Variants in ARHGEF4 observed in about 807,000 individuals in gnomAD.
ARHGEF4 encodes the protein Rho guanine nucleotide exchange factor 4, also known as APC-stimulated guanine nucleotide exchange factor 1.
Under a neutral mutation model 162.0 loss-of-function variants are expected in ARHGEF4, and 119 were observed. The ratio of observed to expected loss-of-function variants is 0.73; its 90% CI spans 0.63 to 0.86. The LOEUF (loss-of-function observed/expected upper bound fraction) is 0.86. Among genes scored for constraint, ARHGEF4 ranks in the 40% least tolerant of loss-of-function variants. The probability of loss-of-function intolerance (pLI) is 0.00; values close to 1 mark genes in which losing one functional copy is unlikely to be tolerated. For missense variants in ARHGEF4, 2,488 were observed against 2,456.0 expected (o/e 1.01, Z -0.28); for synonymous variants, 1,014 against 979.9 (o/e 1.03, Z -0.65).
chr2:130,853,631 C>T (rs991303907), intron 1 of ARHGEF4, among the ~76,000 whole-genome samples: 2 of 152,174 alleles, frequency 1.3e-5, no homozygotes, highest in Non-Finnish European at 2.9e-5. Context: ...CTGTGCACAT[C>T]GGTGTCCAGG....
At chr2:130,958,376 T>C (rs978375349) in intron 4 of ARHGEF4, among the ~76,000 whole-genome samples, 1 of 152,034 alleles carries the variant, frequency 6.6e-6, no homozygotes, top group Non-Finnish European at 1.5e-5. Context: ...AATGGATGTT[T>C]CTTTTTTTTT....
intron 2 of ARHGEF4, among the ~76,000 whole-genome samples, chr2:130,918,651 G>A (rs1681679776): frequency 6.6e-6 from 1 of 152,196 alleles, no homozygotes; most frequent in South Asian, 2.1e-4. Context: ...GCGCCTCCAG[G>A]CCAGGTGGGC....
chr2:130,877,279 TTTA>T (rs1473084617), intron 1 of ARHGEF4, among the ~76,000 whole-genome samples: 1 of 152,198 alleles, frequency 6.6e-6, no homozygotes, highest in African/African-American at 2.4e-5. Context: ...TATTTTAAGA[TTTA>T]TTATTTTAAT....
intron 4 of ARHGEF4, among the ~76,000 whole-genome samples, chr2:130,986,950 C>T (rs531106760): frequency 4.6e-5 from 7 of 152,350 alleles, no homozygotes; most frequent in South Asian, 4.1e-4. Flanking sequence ...ACCACAATCT[C>T]GCCCTGAAAA....
At chr2:130,900,718 G>C (rs1329372954) in intron 1 of ARHGEF4, among the ~76,000 whole-genome samples, 1 of 152,102 alleles carries the variant, frequency 6.6e-6, no homozygotes, top group East Asian at 1.9e-4. Context: ...CATTCAGGTT[G>C]TGATTTTGAT....
chr2:130,916,465 C>T lies in ARHGEF4; in HGVS notation c.2519C>T (p.Ala840Val), dbSNP rs1478065365. The T allele has an allele frequency of 1.3e-6, 2 of 1,543,184 alleles. No individual in the cohort carries two copies. Among genetic ancestry groups the T allele is most frequent in the Admixed American group, 2.0e-5 (1 of 50,856 alleles). Residue 840 changes from alanine (A) to valine (V), a missense_variant, in exon 2 of 14, where the codon GCG becomes GTG. Coordinates refer to ENST00000409359, the MANE Select transcript of ARHGEF4 (RefSeq NM_001367493.1). The part of the protein sequence containing the change: ...EGLPRENPPA[A>V]AGRDAPPLHH... The stretch of plus-strand genomic sequence containing the variant: ...CTCCCCAGGGAGAATCCGCCCGCTG[C>T]GGCCGGTCGGGACGCACCGCCTCTG...
intron 4 of ARHGEF4, among the ~76,000 whole-genome samples, chr2:130,968,544 C>G (rs1249300033): frequency 6.6e-6 from 1 of 152,184 alleles, no homozygotes; most frequent in East Asian, 1.9e-4. Flanking sequence ...TTTCAGTCTG[C>G]AGCAATTGCA....
intron 1 of ARHGEF4, among the ~76,000 whole-genome samples, chr2:130,890,415 A>G (rs748244686): frequency 6.6e-6 from 1 of 152,178 alleles, no homozygotes; most frequent in Non-Finnish European, 1.5e-5. Context: ...TACAAAAATT[A>G]ACCAGGTGTG....
intron 1 of ARHGEF4, among the ~76,000 whole-genome samples, chr2:130,891,416 G>A (rs1331240630): frequency 6.6e-6 from 1 of 152,160 alleles, no homozygotes; most frequent in East Asian, 1.9e-4. Flanking sequence ...TCGGTGAAGG[G>A]CCAGATAATA....
intron 3 of ARHGEF4, among the ~76,000 whole-genome samples, chr2:130,940,854 A>G (rs2105133411): frequency 6.6e-6 from 1 of 151,390 alleles, no homozygotes; most frequent in Non-Finnish European, 1.5e-5. Flanking sequence ...AAAAAGAAAA[A>G]AAAAAAGAAA....
Position 130,836,992 on chromosome 2 carries a change from G to T in ARHGEF4, c.39G>T (p.Lys13Asn). Residue 13 changes from lysine to asparagine, a missense_variant and splice_region_variant, in exon 1 of 14, where the codon AAG (lysine) becomes AAT (asparagine). Transcript: ENST00000409359. ...SVVHFLRSFF[K>N]TPEPGAHLPG... ...TGCACTTCCTCCGGAGCTTCTTCAA[G>T]GTGAGAGCCGGCGTCCGGGACTTGC... is the stretch of plus-strand genomic sequence containing the variant. 1 of 1,227,094 alleles carries T rather than the reference G, an allele frequency of 8.1e-7. No individual in the cohort carries two copies. The highest frequency in any genetic ancestry group is 1.0e-6 in the Non-Finnish European group (1 of 984,950). 76.0% of individuals were successfully genotyped at this position (1,227,094 alleles called of 1,614,324 possible). A position where few individuals can be genotyped will look rare whatever the true frequency, so the allele number is the denominator to read the frequency against.
intron 4 of ARHGEF4, chr2:130,964,110 C>A: frequency 1.1e-6 from 1 of 934,348 alleles, no homozygotes. Flanking sequence ...GCACTAGCAG[C>A]AGCAGCAGCG....
rs936544126 is a variant in ARHGEF4 at position 130,873,901 on chromosome 2, C to T, written c.39+36909C>T. On this transcript the variant is annotated intron_variant, in intron 1 of 13. Transcript: ENST00000409359. ...TTTGGGGTTCCTTGGTGCCCCCTGC[C>T]GGATAGATTGCATCTAACGTTTTCC... 2.6e-4 allele frequency among the ~76,000 whole-genome samples: 40 copies of T among 152,036 alleles called. 1 individual carries two copies. The highest frequency in any genetic ancestry group is 1.9e-4 in the East Asian group (1 of 5,160).
chr2:130,960,329 G>A lies in ARHGEF4; in HGVS notation c.3985+13694G>A, dbSNP rs150445322. On this transcript the variant is annotated intron_variant, in intron 4 of 13. Coordinates refer to ENST00000409359, the MANE Select transcript of ARHGEF4 (RefSeq NM_001367493.1). ...TAATATTTTATACTATATTTTTACT[G>A]TGCCTTTCCTATGTTTTGATTTGTT... is the stretch of plus-strand genomic sequence containing the variant. Among the ~76,000 whole-genome samples, 879 of 152,108 alleles carry A rather than the reference G, an allele frequency of 5.8e-3. 15 individuals carry two copies. The highest frequency in any genetic ancestry group is 5.3e-3 in the Non-Finnish European group (360 of 68,006).
chr2:130,872,042 C>A (rs983781502), intron 1 of ARHGEF4, among the ~76,000 whole-genome samples: 1 of 152,242 alleles, frequency 6.6e-6, no homozygotes, highest in African/African-American at 2.4e-5. Context: ...GCAACAGGGC[C>A]TCGCAGCACC....
chr2:130,945,271 T>C (rs1683536287), intron 3 of ARHGEF4, among the ~76,000 whole-genome samples: 1 of 152,060 alleles, frequency 6.6e-6, no homozygotes, highest in South Asian at 2.1e-4. Flanking sequence ...GGGGCTTTCA[T>C]TTTCCCTCTG....
At chr2:130,997,547 A>G (rs1158448464) in intron 4 of ARHGEF4, among the ~76,000 whole-genome samples, 3 of 152,112 alleles carry the variant, frequency 2.0e-5, no homozygotes, top group African/African-American at 4.8e-5. Flanking sequence ...CTTGAAGCAA[A>G]CCCATCTTAA....
At chr2:130,864,660 G>A (rs1682139412) in intron 1 of ARHGEF4, among the ~76,000 whole-genome samples, 2 of 152,106 alleles carry the variant, frequency 1.3e-5, no homozygotes, top group South Asian at 4.1e-4. Context: ...GGAGGCGGAA[G>A]TTGTAGTGAG....
chr2:130,885,564 CTTTTTTTTTTT>C lies in ARHGEF4; in HGVS notation c.40-28408_40-28398del, dbSNP rs961513941. 5.1e-4 allele frequency among the ~76,000 whole-genome samples: 51 copies of C among 100,436 alleles called. 1 individual carries two copies. Among genetic ancestry groups the C allele is most frequent in the Admixed American group, 1.1e-4 (1 of 8,738 alleles). 65.9% of individuals were successfully genotyped at this position (100,436 alleles called of 152,430 possible). A position where few individuals can be genotyped will look rare whatever the true frequency, so the allele number is the denominator to read the frequency against. ...CCATAGCACTCTCTTTTTTCTTATTCTTTTTTTTTTTTTTTTTTTTTTTTAGATGGAGTCTC... is the reference window on the plus strand; with the variant it reads ...CCATAGCACTCTCTTTTTTCTTATTCTTTTTTTTTTTTTAGATGGAGTCTC... On this transcript the variant is annotated intron_variant, in intron 1 of 13. Transcript: ENST00000409359.
Sources: gnomAD v4.1 joint callset for allele counts (sites outside exome capture counted in the v4.1 genomes callset) on GRCh38, gnomAD v4.1.1 for gene constraint, MANE v1.5 for transcripts, NCBI Gene and HGNC (gene_info 2026-07-23, HGNC 2026-07-21) for gene names.